The following KIRREL3 variants were observed in gnomAD, a reference collection of about 807,000 sequenced individuals.
KIRREL3 encodes kirre like nephrin family adhesion molecule 3, also known as kin of IRRE-like protein 3.
In KIRREL3, 36 loss-of-function variants were observed where a neutral mutation model predicts 89.7. The observed-to-expected ratio is 0.40, with a 90% CI of 0.31 to 0.53. KIRREL3 has a LOEUF of 0.53. KIRREL3 is among the 20% of genes least tolerant of loss of function. The pLI, the probability that KIRREL3 is intolerant of heterozygous loss-of-function variation, is 0.49. For synonymous variants in KIRREL3, 445 were observed against 441.4 expected, an observed-to-expected ratio of 1.01 and a Z score of -0.10; for missense variants, 864 against 1,056.6, an observed-to-expected ratio of 0.82 and a Z score of 2.53.
At chr11:126,716,013 G>A (rs954959440) in intron 1 of KIRREL3, among the ~76,000 whole-genome samples, 2 of 152,088 alleles carry the variant, frequency 1.3e-5, no homozygotes, top group Non-Finnish European at 2.9e-5. Flanking sequence ...GGAGAAGGGC[G>A]GAGGAAGAGG....
chr11:126,997,166 G>A lies in KIRREL3; in HGVS notation c.55+3289C>T, dbSNP rs1950200908. Among the ~76,000 whole-genome samples the A allele has an allele frequency of 1.3e-5, 2 of 152,202 alleles. No homozygotes were observed. Among genetic ancestry groups the A allele is most frequent in the Admixed American group, 1.3e-4 (2 of 15,282 alleles). ...TTGAAGCTTAAGGAGGGCACAGAAG[G>A]AAATAGTTGTGGGTGAACTGAAATG... On this transcript the variant is annotated intron_variant, in intron 1 of 16. Coordinates refer to ENST00000525144, the MANE Select transcript of KIRREL3 (RefSeq NM_032531.4). The surrounding 1 kb of genome is among the most constrained non-coding windows in gnomAD (Gnocchi z 4.3).
At chr11:126,793,878 G>A (rs1241156244) in intron 1 of KIRREL3, among the ~76,000 whole-genome samples, 1 of 152,134 alleles carries the variant, frequency 6.6e-6, no homozygotes, top group East Asian at 1.9e-4. Flanking sequence ...TACACATGTT[G>A]CTTCTCTTCA....
chr11:126,667,691 A>T (rs1345658607), intron 1 of KIRREL3, among the ~76,000 whole-genome samples: 1 of 152,000 alleles, frequency 6.6e-6, no homozygotes, highest in African/African-American at 2.4e-5. Flanking sequence ...GGATTCTGAG[A>T]CCCTTCTTGG....
chr11:126,721,868 C>G (rs1198183651), intron 1 of KIRREL3, among the ~76,000 whole-genome samples: 1 of 152,188 alleles, frequency 6.6e-6, no homozygotes, highest in African/African-American at 2.4e-5. Flanking sequence ...TAGGACAGCT[C>G]CATGTGGCTG....
At chr11:126,893,246 T>C (rs980252674) in intron 1 of KIRREL3, among the ~76,000 whole-genome samples, 1 of 152,232 alleles carries the variant, frequency 6.6e-6, no homozygotes, top group Non-Finnish European at 1.5e-5. Context: ...GGGTTATGTC[T>C]GATGCCCCGG....
At chr11:126,927,371 T>C (rs1020198198) in intron 1 of KIRREL3, among the ~76,000 whole-genome samples, 2 of 152,266 alleles carry the variant, frequency 1.3e-5, no homozygotes, top group Admixed American at 6.5e-5. Context: ...CTCATACTTA[T>C]GTGTCTTACC....
chr11:126,596,521 G>A (rs1248349374), intron 1 of KIRREL3, among the ~76,000 whole-genome samples: 1 of 152,232 alleles, frequency 6.6e-6, no homozygotes, highest in African/African-American at 2.4e-5. Flanking sequence ...GATGACCTCG[G>A]CCCCAGGGCC....
rs1947726172 is a variant in KIRREL3, at chr11:126,710,810, A to T, written c.56-147898T>A. ...AAGAACAGATCTACTACAGTTTGACAACTGCCACAAACACAAATCTTATTT... is the reference window on the plus strand; with the variant it reads ...AAGAACAGATCTACTACAGTTTGACTACTGCCACAAACACAAATCTTATTT... On this transcript the variant is annotated intron_variant, in intron 1 of 16. Transcript: ENST00000525144. The surrounding 1 kb of genome is among the most constrained non-coding windows in gnomAD (Gnocchi z 4.2). 1.3e-5 allele frequency among the ~76,000 whole-genome samples: 2 copies of T among 152,246 alleles called. No homozygotes were observed. Among genetic ancestry groups the T allele is most frequent in the South Asian group, 4.1e-4 (2 of 4,828 alleles).
At chr11:126,613,434 C>T (rs1943213010) in intron 1 of KIRREL3, among the ~76,000 whole-genome samples, 1 of 152,124 alleles carries the variant, frequency 6.6e-6, no homozygotes, top group African/African-American at 2.4e-5. Flanking sequence ...CATTCAGCAG[C>T]CATTTAGTTG....
At chr11:126,722,457 A>G (rs10893555) in intron 1 of KIRREL3, among the ~76,000 whole-genome samples, 133,658 of 152,354 alleles carry the variant, frequency 0.88, 58,792 homozygotes, top group East Asian at 1. Context: ...AACTTACACC[A>G]TATCAGGGGT....
In KIRREL3 at chr11:126,740,328, T is replaced by G. The variant is rs573079782; in HGVS notation, c.56-177416A>C. On this transcript the variant is annotated intron_variant, in intron 1 of 16. Transcript: ENST00000525144. The surrounding 1 kb of genome is among the most constrained non-coding windows in gnomAD (Gnocchi z 6.0). ...ATAGAATATGATTTTATAAACAGGATAGAAAGAAATTAAAGTGCTGCATTG... is the reference window on the plus strand; with the variant it reads ...ATAGAATATGATTTTATAAACAGGAGAGAAAGAAATTAAAGTGCTGCATTG... Among the ~76,000 whole-genome samples, 1 of 152,128 alleles carries G rather than the reference T, an allele frequency of 6.6e-6. No homozygotes were observed. Among genetic ancestry groups the G allele is most frequent in the Admixed American group, 6.5e-5 (1 of 15,280 alleles).
chr11:126,482,412 G>T (rs2134312148), intron 4 of KIRREL3, among the ~76,000 whole-genome samples: 1 of 152,316 alleles, frequency 6.6e-6, no homozygotes, highest in East Asian at 1.9e-4. Context: ...TATGTTTACT[G>T]GCTTGTGGCC....
chr11:126,440,460 G>A lies in KIRREL3; in HGVS notation c.1342C>T (p.Pro448Ser), dbSNP rs1955518237. 6.3e-6 allele frequency: 10 copies of A among 1,579,096 alleles called. No homozygotes were observed. Among genetic ancestry groups the A allele is most frequent in the Non-Finnish European group, 8.6e-6 (10 of 1,163,376 alleles). ...CCTGGAGCACTCACGATGCGGTCCG[G>A]CGGCGGCGTGCTCCGGATGAAGCAC... ...IKCFIRSTPPPDRIAWSWKEN... is the reference protein window; with the variant it reads ...IKCFIRSTPPSDRIAWSWKEN... Residue 448 changes from proline to serine, a missense_variant, in exon 11 of 17, where the codon CCG becomes TCG. By Grantham distance (74) the Pro-to-Ser change is moderately conservative. Coordinates refer to ENST00000525144, the MANE Select transcript of KIRREL3 (RefSeq NM_032531.4).
At chr11:126,789,592 C>T (rs1033147639) in intron 1 of KIRREL3, among the ~76,000 whole-genome samples, 6 of 152,160 alleles carry the variant, frequency 3.9e-5, no homozygotes, top group Non-Finnish European at 5.9e-5. Context: ...TTGTTTTGCC[C>T]TTGTTAAGAC....
At chr11:126,732,959 G>T (rs569498181) in intron 1 of KIRREL3, among the ~76,000 whole-genome samples, 1 of 152,334 alleles carries the variant, frequency 6.6e-6, no homozygotes, top group Admixed American at 6.5e-5. Flanking sequence ...TACAGCAAAA[G>T]ACTTTGGTGA....
rs1414226983 is a variant in KIRREL3 at position 126,802,494 on chromosome 11, T to G, written c.55+197961A>C. ...GTTCTTCTCATGTCTGCGTGGATTT[T>G]CTCTGTGTCCTCCAGCTTCCTCCCA... On this transcript the variant is annotated intron_variant, in intron 1 of 16. Transcript: ENST00000525144. This position sits in a 1 kb window ranked among gnomAD's most constrained non-coding sequence, Gnocchi z 5.2. Among the ~76,000 whole-genome samples the G allele has an allele frequency of 6.6e-6, 1 of 152,230 alleles. No homozygotes were observed. Among genetic ancestry groups the G allele is most frequent in the Non-Finnish European group, 1.5e-5 (1 of 68,044 alleles).
Position 126,766,104 on chromosome 11 carries a change from C to T in KIRREL3, c.56-203192G>A, listed in dbSNP as rs1416910643. On this transcript the variant is annotated intron_variant, in intron 1 of 16. Coordinates refer to ENST00000525144, the MANE Select transcript of KIRREL3 (RefSeq NM_032531.4). The surrounding 1 kb of genome is among the most constrained non-coding windows in gnomAD (Gnocchi z 4.2). ...TTTGCCAGCCCTCCTGGGATGGTATCTAGTATCGTTTCATCGCTAATGTTG... is the reference window on the plus strand; with the variant it reads ...TTTGCCAGCCCTCCTGGGATGGTATTTAGTATCGTTTCATCGCTAATGTTG... Among the ~76,000 whole-genome samples the T allele has an allele frequency of 6.6e-6, 1 of 152,002 alleles. No homozygotes were observed. Among genetic ancestry groups the T allele is most frequent in the Non-Finnish European group, 1.5e-5 (1 of 67,996 alleles).
chr11:126,560,843 T>A (rs1200093336), intron 2 of KIRREL3, among the ~76,000 whole-genome samples: 1 of 152,250 alleles, frequency 6.6e-6, no homozygotes, highest in African/African-American at 2.4e-5. Context: ...ATAATTGTTT[T>A]TCCCTATTTT....
chr11:126,623,408 C>T lies in KIRREL3; in HGVS notation c.56-60496G>A, dbSNP rs1409642423. Among the ~76,000 whole-genome samples, 1 of 152,176 alleles carries T rather than the reference C, an allele frequency of 6.6e-6. No homozygotes were observed. The highest frequency in any genetic ancestry group is 1.5e-5 in the Non-Finnish European group (1 of 68,042). On this transcript the variant is annotated intron_variant, in intron 1 of 16. Coordinates refer to ENST00000525144, the MANE Select transcript of KIRREL3 (RefSeq NM_032531.4). This position sits in a 1 kb window ranked among gnomAD's most constrained non-coding sequence, Gnocchi z 4.1. Reference sequence around the variant, plus strand: ...GGGCACCCCTCTAATGTGCTCTTCTCAGCTTGTTGCTCCTTCACTGTAAGT... The same window carrying T: ...GGGCACCCCTCTAATGTGCTCTTCTTAGCTTGTTGCTCCTTCACTGTAAGT...
Sources: allele counts gnomAD v4.1 joint callset (sites outside exome capture counted in the v4.1 genomes callset), GRCh38; gene constraint gnomAD v4.1.1; non-coding constraint Gnocchi (gnomAD v3.1); transcripts MANE v1.5; gene names NCBI Gene and HGNC (gene_info 2026-07-23, HGNC 2026-07-21).